NRG4: variants seen among roughly 807,000 people sequenced by gnomAD.
NRG4 encodes the protein neuregulin 4.
A neutral mutation model predicts 15.0 loss-of-function variants in NRG4; 10 were observed. The ratio of observed to expected loss-of-function variants is 0.67; its 90% CI spans 0.41 to 1.13. The LOEUF is 1.13. Among genes scored for constraint, NRG4 ranks in the 50% most tolerant of loss-of-function variants. The pLI, the probability that NRG4 is intolerant of heterozygous loss-of-function variation, is 0.00. For synonymous variants in NRG4, 41 were observed against 50.1 expected, an observed-to-expected ratio of 0.82 and a Z score of 0.77; for missense variants, 139 against 140.2, an observed-to-expected ratio of 0.99 and a Z score of 0.04.
chr15:76,023,381 A>G (rs2035219506), intron 5 of NRG4, among the ~76,000 whole-genome samples: 1 of 152,114 alleles, frequency 6.6e-6, no homozygotes, highest in Non-Finnish European at 1.5e-5. Flanking sequence ...ATTGATTTGG[A>G]GACAGGAGAG....
chr15:75,982,767 G>A (rs1469547147), intron 3 of NRG4, among the ~76,000 whole-genome samples: 1 of 152,128 alleles, frequency 6.6e-6, no homozygotes, highest in Admixed American at 6.6e-5. Flanking sequence ...AAGCTATGAA[G>A]CCATGAATGC....
chr15:76,023,140 AC>A (rs2035208949), intron 5 of NRG4, among the ~76,000 whole-genome samples: 1 of 95,534 alleles, frequency 1.0e-5, no homozygotes, highest in African/African-American at 5.6e-5. Context: ...CCACACACAC[AC>A]ACACACACAC....
chr15:76,025,488 CTATT>C (rs2035288203), intron 5 of NRG4, among the ~76,000 whole-genome samples: 1 of 151,840 alleles, frequency 6.6e-6, no homozygotes, highest in Admixed American at 6.6e-5. Flanking sequence ...TAAAAATTGA[CTATT>C]TAGATAAGAA....
Position 75,961,896 on chromosome 15 carries a change from C to A in NRG4, c.183G>T (p.Leu61=). ...PGSSIQTKSN[L]FEAFVALAVL... is the part of the protein sequence containing the mutation. ...CCGCCAATGCCACAAAAGCTTCAAA[C>A]AGGTTACTTTTAGTTTGGATGCTGG... Residue 61 remains leucine, a synonymous_variant, in exon 4 of 6, where the codon CTG becomes CTT. Transcript: ENST00000394907. The A allele has an allele frequency of 1.2e-6, 2 of 1,613,694 alleles. No homozygotes were observed. Among genetic ancestry groups the A allele is most frequent in the Non-Finnish European group, 1.7e-6 (2 of 1,179,634 alleles).
chr15:76,030,713 T>TA (rs1450661212), intron 5 of NRG4, among the ~76,000 whole-genome samples: 3 of 152,180 alleles, frequency 2.0e-5, no homozygotes, highest in Non-Finnish European at 4.4e-5. Flanking sequence ...AAAGGCACAG[T>TA]AACAAAGCAA....
At chr15:75,955,763 T>C (rs1461009875) in intron 5 of NRG4, among the ~76,000 whole-genome samples, 169 bp downstream of exon 5, 2 of 148,616 alleles carry the variant, frequency 1.3e-5, no homozygotes, top group Non-Finnish European at 3.0e-5. Flanking sequence ...GATAATAAAT[T>C]CATTTTTATG....
chr15:76,043,771 G>C (rs941966744), intron 4 of NRG4, among the ~76,000 whole-genome samples: 2 of 152,156 alleles, frequency 1.3e-5, no homozygotes, highest in Non-Finnish European at 2.9e-5. Context: ...ATTCTTCACA[G>C]AAACAGAAGA....
chr15:75,993,157 C>G (rs548967255), intron 3 of NRG4, among the ~76,000 whole-genome samples: 26 of 151,926 alleles, frequency 1.7e-4, no homozygotes, highest in African/African-American at 6.3e-4. Flanking sequence ...TCAAGATTTT[C>G]TCTTTATATT....
chr15:76,012,747 A>G (rs576764384), upstream of NRG4, among the ~76,000 whole-genome samples: 6 of 152,234 alleles, frequency 3.9e-5, no homozygotes, highest in Admixed American at 2.0e-4. Flanking sequence ...AATTAAAAAA[A>G]CATTTTTTTA....
At position 75,984,131 on chromosome 15, in the gene NRG4, A is replaced by C. The variant is rs561797057; in HGVS notation, c.105-22157T>G. On this transcript the variant is annotated intron_variant, in intron 3 of 5. Transcript: ENST00000394907. ...AGTATAATGGTGGATACATGTCATT[A>C]CATTTGTACAGACCCATAGAATGTA... Among the ~76,000 whole-genome samples the C allele has an allele frequency of 2.6e-5, 4 of 152,334 alleles. No individual in the cohort carries two copies. The South Asian group carries it at 8.3e-4, about 32-fold the overall frequency.
At chr15:75,995,336 G>A (rs1437137680) in intron 3 of NRG4, among the ~76,000 whole-genome samples, 1 of 152,150 alleles carries the variant, frequency 6.6e-6, no homozygotes, top group Non-Finnish European at 1.5e-5. Context: ...GAAGGTGAGG[G>A]GGAGCCAGTG....
chr15:75,988,982 C>T (rs2141866611), intron 3 of NRG4, among the ~76,000 whole-genome samples: 1 of 151,896 alleles, frequency 6.6e-6, no homozygotes, highest in South Asian at 2.1e-4. Context: ...CTCAGCCTCC[C>T]ACGTAGCTGG....
chr15:75,952,804 T>C (rs2031990675), intron 5 of NRG4, among the ~76,000 whole-genome samples: 1 of 152,138 alleles, frequency 6.6e-6, no homozygotes, highest in Admixed American at 6.6e-5. Flanking sequence ...TACATATTAT[T>C]TGGAGAACTC....
upstream of NRG4, among the ~76,000 whole-genome samples, chr15:76,013,136 A>G (rs2034870171): frequency 6.6e-6 from 1 of 152,222 alleles, no homozygotes; most frequent in African/African-American, 2.4e-5. Context: ...TTATTACTTG[A>G]CTGATGTAAA....
Position 75,943,464 on chromosome 15 carries a change from C to T in NRG4, c.*174G>A, listed in dbSNP as rs776276497. On this transcript the variant is annotated 3_prime_UTR_variant, in exon 6 of 6. Transcript: ENST00000394907. Reference sequence around the variant, plus strand: ...TAGCAGTTGCCGATGGACTGATGCACATTACAGAAGCACACACACCTTGCA... The same window carrying T: ...TAGCAGTTGCCGATGGACTGATGCATATTACAGAAGCACACACACCTTGCA... The T allele has an allele frequency of 4.6e-5, 27 of 585,938 alleles. No homozygotes were observed. Among genetic ancestry groups the T allele is most frequent in the Non-Finnish European group, 7.2e-5 (24 of 331,234 alleles). 36.3% of individuals were successfully genotyped at this position (585,938 alleles called of 1,614,324 possible).
At chr15:76,054,723 G>T (rs1036476848) in intron 2 of NRG4, among the ~76,000 whole-genome samples, 7 of 152,096 alleles carry the variant, frequency 4.6e-5, no homozygotes, top group Non-Finnish European at 8.8e-5. Context: ...ATCATGAAAT[G>T]AAACAATAGG....
chr15:75,963,651 G>A (rs983954454), intron 3 of NRG4, among the ~76,000 whole-genome samples: 3 of 151,930 alleles, frequency 2.0e-5, no homozygotes, highest in South Asian at 2.1e-4. Context: ...GGTGGTGCAC[G>A]CCTGTAGTCA....
At chr15:75,970,390 T>G (rs951049805) in intron 3 of NRG4, among the ~76,000 whole-genome samples, 5 of 152,272 alleles carry the variant, frequency 3.3e-5, no homozygotes, top group Non-Finnish European at 7.3e-5. Flanking sequence ...CTGCTTCTCT[T>G]AAATAGATTT....
At position 76,021,260 on chromosome 15, in the gene NRG4, T is replaced by A. The variant is rs149071103; in HGVS notation, c.-56-9974A>T. Among the ~76,000 whole-genome samples the A allele has an allele frequency of 1.2e-3, 186 of 152,338 alleles. 1 individual carries two copies. Among genetic ancestry groups the A allele is most frequent in the African/African-American group, 4.2e-3 (174 of 41,588 alleles). On this transcript the variant is annotated intron_variant, in intron 5 of 8. Coordinates refer to the NRG4 transcript ENST00000563910. ...TGACTAAATATCTTAAGTCCACTGT[T>A]GAGGCAAGACCCTCCCCCAGCAAAA...
Sources: allele counts gnomAD v4.1 joint callset (sites outside exome capture counted in the v4.1 genomes callset), GRCh38; gene constraint gnomAD v4.1.1; transcripts MANE v1.5; gene names NCBI Gene and HGNC (gene_info 2026-07-23, HGNC 2026-07-21).